Variants in FGB observed in about 807,000 individuals in gnomAD.
The protein encoded by FGB is beta-fibrinogen.
Under a neutral mutation model 57.9 loss-of-function variants are expected in FGB, and 25 were observed. The observed-to-expected ratio is 0.43, with a 90% confidence interval of 0.31 to 0.60. The LOEUF is 0.60. FGB is among the 20% of genes least tolerant of loss of function. The probability of loss-of-function intolerance (pLI) is 0.08; values close to 1 mark genes in which losing one functional copy is unlikely to be tolerated. For synonymous variants in FGB, 203 were observed against 199.2 expected, an observed-to-expected ratio of 1.02 and a Z score of -0.16; for missense variants, 536 against 598.4, an observed-to-expected ratio of 0.90 and a Z score of 1.09.
At position 154,572,022 on chromosome 4, in the gene FGB, T is replaced by A. The variant is rs371670019; in HGVS notation, c.*1372T>A. Among the ~76,000 whole-genome samples the A allele has an allele frequency of 1.1e-4, 17 of 152,310 alleles. No individual in the cohort carries two copies. The East Asian group carries it at 2.9e-3, about 26-fold the overall frequency. On this transcript the variant is annotated 3_prime_UTR_variant, in exon 8 of 8. Coordinates refer to ENST00000302068, the MANE Select transcript of FGB (RefSeq NM_005141.5). ...CTGGAGCCCATACTCACCTACCGCT[T>A]TGCCATCACATTTAACAGAAAACTC...
At chr4:154,565,122 G>C (rs1019009137) in intron 1 of FGB, 14 of 430,698 alleles carry the variant, frequency 3.3e-5, no homozygotes, top group African/African-American at 2.7e-4. Flanking sequence ...TATGCAATAA[G>C]TTATTTAATC....
Position 154,569,131 on chromosome 4 carries a change from C to A in FGB, c.833-51C>A, listed in dbSNP as rs1285533600. The A allele has an allele frequency of 1.9e-6, 3 of 1,598,624 alleles. No homozygotes were observed. The East Asian group carries it at 6.7e-5, about 36-fold the overall frequency. ...GATTCAGATATTATTTTCAAAGTGA[C>A]ATTATTTGCTGTTGGTTAATATATG... On this transcript the variant is annotated intron_variant, in intron 5 of 7. Transcript: ENST00000302068.
At chr4:154,567,497 A>G (rs1226790778) in intron 3 of FGB, 96 bp from the exon 4 acceptor site, 2 of 763,122 alleles carry the variant, frequency 2.6e-6, no homozygotes, top group African/African-American at 3.5e-5. Flanking sequence ...TCAGTGTTTA[A>G]TAGTTTATTC....
chr4:154,566,304 G>T (rs560388826), intron 2 of FGB, among the ~76,000 whole-genome samples, 185 bp from the exon 3 acceptor site: 1 of 152,172 alleles, frequency 6.6e-6, no homozygotes, highest in African/African-American at 2.4e-5. Flanking sequence ...TTTTTCTGGG[G>T]TAAGTAATAT....
At position 154,570,781 on chromosome 4, in the gene FGB, A is replaced by T; in HGVS notation, c.*131A>T. 1.3e-6 allele frequency: 1 copy of T among 744,352 alleles called. No homozygotes were observed. The highest frequency in any genetic ancestry group is 2.4e-6 in the Non-Finnish European group (1 of 412,302). The allele number at this position is 744,352 out of a possible 1,614,324, so 46.1% of individuals were successfully genotyped here. On this transcript the variant is annotated 3_prime_UTR_variant, in exon 8 of 8. Coordinates refer to ENST00000302068, the MANE Select transcript of FGB (RefSeq NM_005141.5). ...GACGTGAGTGTGACTTTTTGAAAAA[A>T]GTATAGGATAAATTACATTAAAATA...
intron 6 of FGB, 69 bp downstream of exon 6, chr4:154,569,376 C>G: frequency 6.2e-7 from 1 of 1,603,578 alleles, no homozygotes; most frequent in South Asian, 1.1e-5. Context: ...AAAAAACATT[C>G]ATTGTTGGAA....
chr4:154,567,551 G>A (rs1201864592), intron 3 of FGB, 42 bp from the exon 4 acceptor site: 2 of 1,281,046 alleles, frequency 1.6e-6, no homozygotes, highest in Non-Finnish European at 2.3e-6. Flanking sequence ...AGTTTTATGA[G>A]GCAAAAATGC....
At chr4:154,567,887 A>G in intron 4 of FGB, 67 bp downstream of exon 4, 1 of 1,092,010 alleles carries the variant, frequency 9.2e-7, no homozygotes, top group South Asian at 1.2e-5. Flanking sequence ...ATAAGAGAAC[A>G]ACAACAACAA....
At position 154,567,657 on chromosome 4, in the gene FGB, G is replaced by A. The variant is rs951524504; in HGVS notation, c.555G>A (p.Glu185=). 3.7e-6 allele frequency: 6 copies of A among 1,613,344 alleles called. No individual in the cohort carries two copies. In the Admixed American group the frequency reaches 6.7e-5, roughly 18 times the overall value. Residue 185 remains glutamate (E), a synonymous_variant, in exon 4 of 8, where the codon GAG becomes GAA. Transcript: ENST00000302068. ...ELEKHQLYID[E]TVNSNIPTNL... is the part of the protein sequence containing the mutation. ...AAAAGCACCAATTATATATAGATGA[G>A]ACTGTGAATAGCAATATCCCAACTA...
Position 154,569,191 on chromosome 4 carries a change from T to G in FGB, c.842T>G (p.Val281Gly). The change falls in exon 6 of 8, where the codon GTG becomes GGG. Residue 281 changes from valine (V) to glycine (G), a missense_variant. Coordinates refer to ENST00000302068, the MANE Select transcript of FGB (RefSeq NM_005141.5). ...DMNTENGGWT[V>G]IQNRQDGSVD... is the part of the protein sequence containing the mutation. The stretch of plus-strand genomic sequence containing the variant: ...TTTCTGTCAACCAAAGGATGGACAG[T>G]GATTCAGAACCGTCAAGACGGTAGT... The G allele has an allele frequency of 6.2e-7, 1 of 1,614,104 alleles. No homozygotes were observed. Among genetic ancestry groups the G allele is most frequent in the Admixed American group, 1.7e-5 (1 of 60,016 alleles).
At chr4:154,570,132 CA>C in intron 7 of FGB, among the ~76,000 whole-genome samples, 1 of 152,276 alleles carries the variant, frequency 6.6e-6, no homozygotes, top group Non-Finnish European at 1.5e-5. Context: ...TGAAAACTTT[CA>C]TTTTCATTTC....
Position 154,565,824 on chromosome 4 carries a change from G to T in FGB, c.131G>T (p.Arg44Leu). The part of the protein sequence containing the change: ...NDNEEGFFSA[R>L]GHRPLDKKRE... ...TCCTTGTAGGGTTTCTTCAGTGCCC[G>T]TGGTCATCGACCCCTTGACAAGAAG... Residue 44 changes from arginine to leucine, a missense_variant, in exon 2 of 8, where the codon CGT becomes CTT. By Grantham distance (102) the Arg-to-Leu change is moderately radical (BLOSUM62 -2). Transcript: ENST00000302068. 1.2e-6 allele frequency: 2 copies of T among 1,614,150 alleles called. No individual in the cohort carries two copies. Among genetic ancestry groups the T allele is most frequent in the South Asian group, 1.1e-5 (1 of 91,086 alleles).
intron 1 of FGB, 137 bp from the exon 2 acceptor site, chr4:154,565,671 C>A: frequency 1.2e-6 from 1 of 854,086 alleles, no homozygotes; most frequent in Admixed American, 2.3e-5. Flanking sequence ...TTCACTATCA[C>A]CAACCAGCCA....
chr4:154,563,128 AG>A lies in FGB; in HGVS notation c.112del (p.Glu38ArgfsTer22). On this transcript the variant is annotated frameshift_variant, in exon 1 of 8. Transcript: ENST00000302068. LOFTEE classifies it high-confidence loss of function. ...AAGTCCCAAGGTGTCAACGACAATG[AG>A]GAGGTGAATTTTTTAAAGCATTATT... ...LVKSQGVNDN[E>X]EGFFSARGHR... 1 of 1,422,094 alleles carries A rather than the reference AG, an allele frequency of 7.0e-7. No individual in the cohort carries two copies. The highest frequency in any genetic ancestry group is 9.7e-7 in the Non-Finnish European group (1 of 1,027,882). 88.1% of individuals were successfully genotyped at this position (1,422,094 alleles called of 1,614,324 possible).
At chr4:154,568,804 A>C (rs1445301464) in intron 5 of FGB, among the ~76,000 whole-genome samples, 1 of 151,460 alleles carries the variant, frequency 6.6e-6, no homozygotes, top group Non-Finnish European at 1.5e-5. Flanking sequence ...TGGAGTCTTG[A>C]TCATGCTACT....
rs1730446079 is a variant in FGB, at chr4:154,571,954, C to CT, written c.*1307dup. On this transcript the variant is annotated 3_prime_UTR_variant, in exon 8 of 8. Transcript: ENST00000302068. ...CTCTTTAATTACTCACCAAATCCAA[C>CT]TTTAACTTTTGACCTGGTTTCTCTG... 6.6e-6 allele frequency among the ~76,000 whole-genome samples: 1 copy of CT among 152,190 alleles called. No homozygotes were observed. Among genetic ancestry groups the CT allele is most frequent in the South Asian group, 2.1e-4 (1 of 4,830 alleles).
At position 154,568,377 on chromosome 4, in the gene FGB, G is replaced by T; in HGVS notation, c.719-4G>T. The stretch of plus-strand genomic sequence containing the variant: ...CTGAACATAATGTTGTCTTACATTT[G>T]CAGAATGTGAGGAAATTATCAGGAA... On this transcript the variant is annotated splice_polypyrimidine_tract_variant and splice_region_variant and intron_variant, in intron 4 of 7. Coordinates refer to ENST00000302068, the MANE Select transcript of FGB (RefSeq NM_005141.5). 1 of 1,466,754 alleles carries T rather than the reference G, an allele frequency of 6.8e-7. No individual in the cohort carries two copies. Among genetic ancestry groups the T allele is most frequent in the Admixed American group, 1.7e-5 (1 of 59,840 alleles). 90.9% of individuals were successfully genotyped at this position (1,466,754 alleles called of 1,614,324 possible).
chr4:154,566,133 T>C, intron 2 of FGB, 134 bp downstream of exon 2: 1 of 873,744 alleles, frequency 1.1e-6, no homozygotes, highest in South Asian at 1.8e-5. Flanking sequence ...GGAAATAAAA[T>C]TCAAAACATA....
At chr4:154,564,033 G>A (rs1382284815) in intron 1 of FGB, among the ~76,000 whole-genome samples, 1 of 151,622 alleles carries the variant, frequency 6.6e-6, no homozygotes, top group African/African-American at 2.4e-5. Context: ...AGTTAATCTG[G>A]TTGTGTGTGT....
Sources: gnomAD v4.1 joint callset for allele counts (sites outside exome capture counted in the v4.1 genomes callset) on GRCh38, gnomAD v4.1.1 for gene constraint, MANE v1.5 for transcripts, NCBI Gene and HGNC (gene_info 2026-07-23, HGNC 2026-07-21) for gene names.